PDE1A: variants seen among roughly 807,000 people sequenced by gnomAD.
PDE1A encodes the protein dual specificity calcium/calmodulin-dependent 3',5'-cyclic nucleotide phosphodiesterase 1A.
PDE1A carries 35 observed loss-of-function variants against 61.7 expected under a neutral mutation model. The observed-to-expected ratio is 0.57, with a 90% CI of 0.43 to 0.75. The LOEUF is 0.75. Among genes scored for constraint, PDE1A ranks in the 30% least tolerant of loss-of-function variants. The probability of loss-of-function intolerance (pLI) is 0.00; values close to 1 mark genes in which losing one functional copy is unlikely to be tolerated. For synonymous variants in PDE1A, 232 were observed against 213.2 expected, an observed-to-expected ratio of 1.09 and a Z score of -0.77; for missense variants, 597 against 630.6, an observed-to-expected ratio of 0.95 and a Z score of 0.57.
intron 10 of PDE1A, among the ~76,000 whole-genome samples, chr2:182,199,504 GT>G (rs1239319562): frequency 6.6e-6 from 1 of 151,786 alleles, no homozygotes; most frequent in East Asian, 1.9e-4. Context: ...CAAATATTAT[GT>G]TTTCAAAATC....
chr2:182,532,973 A>AAAAAC, the PDE1A span, among the ~76,000 whole-genome samples: 4 of 148,326 alleles, frequency 2.7e-5, 1 homozygote, highest in African/African-American at 5.0e-5. Context: ...AAAAAAAAAA[A>AAAAAC]CAATGAATTT....
At chr2:182,158,855 T>C (rs867406268) in intron 13 of PDE1A, among the ~76,000 whole-genome samples, 2 of 152,240 alleles carry the variant, frequency 1.3e-5, no homozygotes, top group East Asian at 1.9e-4. Flanking sequence ...CTTTTCACTT[T>C]GCATAATTTT....
In PDE1A at chr2:182,364,684, C is replaced by T. The variant is rs1574460518; in HGVS notation, c.53+61894G>A. Among the ~76,000 whole-genome samples the T allele has an allele frequency of 2.6e-5, 4 of 151,512 alleles. No homozygotes were observed. The Admixed American group carries it at 2.6e-4, about 10-fold the overall frequency. ...ATAAAGATATAGTTTAATTTTTATA[C>T]TTCCTGATGGAGAACTTTTAAGATT... is the stretch of plus-strand genomic sequence containing the variant. On this transcript the variant is annotated intron_variant, in intron 1 of 13. Transcript: ENST00000351439.
At chr2:182,563,409 T>G in the PDE1A span, among the ~76,000 whole-genome samples, 1 of 152,234 alleles carries the variant, frequency 6.6e-6, no homozygotes, top group Admixed American at 6.5e-5. Context: ...GATTGCACTG[T>G]GGTCTGAGAG....
At chr2:182,250,845 T>C (rs1297738683) in intron 2 of PDE1A, among the ~76,000 whole-genome samples, 1 of 152,060 alleles carries the variant, frequency 6.6e-6, no homozygotes, top group Non-Finnish European at 1.5e-5. Context: ...CCATATCCAA[T>C]CTAGGAAGCA....
intron 3 of PDE1A, among the ~76,000 whole-genome samples, chr2:182,236,574 T>C (rs1312168754): frequency 1.3e-5 from 2 of 152,214 alleles, no homozygotes; most frequent in Non-Finnish European, 2.9e-5. Flanking sequence ...TGTTAGCCAC[T>C]CACTGCTGTG....
At chr2:182,676,623 T>C in the PDE1A span, among the ~76,000 whole-genome samples, 3 of 151,978 alleles carry the variant, frequency 2.0e-5, no homozygotes, top group Admixed American at 2.0e-4. Flanking sequence ...AAATAAAATT[T>C]CAGGCCAATA....
the PDE1A span, among the ~76,000 whole-genome samples, chr2:182,580,915 T>C: frequency 6.6e-6 from 1 of 152,078 alleles, no homozygotes; most frequent in Non-Finnish European, 1.5e-5. Flanking sequence ...TGCAAAAAAA[T>C]GATCTCCCAG....
chr2:182,353,964 A>G (rs1308310485), intron 1 of PDE1A, among the ~76,000 whole-genome samples: 2 of 152,124 alleles, frequency 1.3e-5, no homozygotes, highest in East Asian at 3.9e-4. Context: ...TATGTACTGT[A>G]TACCTTTGAA....
intron 1 of PDE1A, among the ~76,000 whole-genome samples, chr2:182,399,580 G>A (rs1701890108): frequency 3.9e-5 from 6 of 151,924 alleles, no homozygotes; most frequent in Admixed American, 3.9e-4. Flanking sequence ...AATAGTATAT[G>A]TATCCTTTTA....
upstream of PDE1A, among the ~76,000 whole-genome samples, chr2:182,431,533 A>G (rs927143441): frequency 1.3e-5 from 2 of 152,174 alleles, no homozygotes; most frequent in African/African-American, 2.4e-5. Flanking sequence ...AAACTACTGC[A>G]TATAAGTGAG....
chr2:182,359,124 TC>T (rs1407323458), intron 1 of PDE1A, among the ~76,000 whole-genome samples: 1 of 152,166 alleles, frequency 6.6e-6, no homozygotes, highest in Admixed American at 6.6e-5. Context: ...CATGTGTAAG[TC>T]TTTGGGAAAG....
chr2:182,233,220 A>G (rs978262898), intron 4 of PDE1A, among the ~76,000 whole-genome samples: 3 of 152,346 alleles, frequency 2.0e-5, no homozygotes, highest in Admixed American at 6.5e-5. Flanking sequence ...AATGATTAAT[A>G]TCCTTTAATG....
At chr2:182,238,266 C>CAAAAAAAAAAAAAAAAAAAAAAAAAAAA (rs3063250) in intron 3 of PDE1A, among the ~76,000 whole-genome samples, 2 of 98,060 alleles carry the variant, frequency 2.0e-5, no homozygotes, top group East Asian at 3.3e-4. Flanking sequence ...CAGACTACGT[C>CAAAAAAAAAAAAAAAAAAAAAAAAAAAA]AAAAAAAAAA....
chr2:182,238,838 C>T (rs1690273817), intron 3 of PDE1A, among the ~76,000 whole-genome samples: 1 of 152,036 alleles, frequency 6.6e-6, no homozygotes, highest in African/African-American at 2.4e-5. Context: ...TATATTATAA[C>T]CTTCTCTTGA....
At chr2:182,156,781 C>T (rs945214320) in intron 13 of PDE1A, among the ~76,000 whole-genome samples, 1 of 151,956 alleles carries the variant, frequency 6.6e-6, no homozygotes, top group Non-Finnish European at 1.5e-5. Flanking sequence ...AGTCCTATAC[C>T]CGTGGGGATT....
intron 11 of PDE1A, among the ~76,000 whole-genome samples, chr2:182,187,737 C>CTTTTTGTTTTTTTTTTTTTTT (rs1685335881): frequency 1.5e-5 from 1 of 66,382 alleles, no homozygotes; most frequent in Admixed American, 2.3e-4. Context: ...TTTTTTTGTT[C>CTTTTTGTTTTTTTTTTTTTTT]TTTTTTTTTT....
At chr2:182,330,161 T>C (rs937488803) in intron 1 of PDE1A, among the ~76,000 whole-genome samples, 1 of 152,060 alleles carries the variant, frequency 6.6e-6, no homozygotes, top group African/African-American at 2.4e-5. Flanking sequence ...CTGGCCAACA[T>C]GGTGAAACCC....
At chr2:182,569,273 A>ATATATATG in the PDE1A span, among the ~76,000 whole-genome samples, 5 of 150,194 alleles carry the variant, frequency 3.3e-5, no homozygotes, top group African/African-American at 9.9e-5. Context: ...ATATATATAT[A>ATATATATG]TATGTATTTC....
Sources: allele counts gnomAD v4.1 joint callset (sites outside exome capture counted in the v4.1 genomes callset), GRCh38; gene constraint gnomAD v4.1.1; transcripts MANE v1.5; gene names NCBI Gene and HGNC (gene_info 2026-07-23, HGNC 2026-07-21).